Variants in MMP26 observed in about 807,000 individuals in gnomAD.
The protein encoded by MMP26 is matrix metallopeptidase 26, also known as matrix metalloproteinase-26.
In MMP26, 33 loss-of-function variants were observed where a neutral mutation model predicts 31.0. The observed-to-expected ratio is 1.06, with a 90% CI of 0.81 to 1.42. MMP26 has a LOEUF of 1.42. Ranked by LOEUF, MMP26 falls within the 40% of genes most tolerant of loss-of-function variation. MMP26 has a pLI of 0.00. For synonymous variants in MMP26, 122 were observed against 114.9 expected (o/e 1.06, Z -0.40); for missense variants, 347 against 316.1 (o/e 1.10, Z -0.74).
intron 2 of MMP26, among the ~76,000 whole-genome samples, chr11:4,902,244 A>G (rs1474623734): frequency 6.6e-6 from 1 of 152,162 alleles, no homozygotes; most frequent in Non-Finnish European, 1.5e-5. Context: ...GGGACCATCA[A>G]CATTTCATCT....
At chr11:4,825,107 C>T (rs1305037756) in intron 2 of MMP26, among the ~76,000 whole-genome samples, 1 of 152,080 alleles carries the variant, frequency 6.6e-6, no homozygotes, top group Non-Finnish European at 1.5e-5. Flanking sequence ...GGAAAGGTAT[C>T]AGTTGTGAGG....
At chr11:4,967,260 C>T (rs896664198) in intron 2 of MMP26, among the ~76,000 whole-genome samples, 1 of 152,022 alleles carries the variant, frequency 6.6e-6, no homozygotes, top group African/African-American at 2.4e-5. Flanking sequence ...CAAAATTACT[C>T]TTTATATTCA....
intron 2 of MMP26, among the ~76,000 whole-genome samples, chr11:4,886,383 A>G (rs540623684): frequency 5.5e-4 from 83 of 152,218 alleles, no homozygotes; most frequent in Non-Finnish European, 1.0e-3. Context: ...AACCCAGAGA[A>G]GAAGAGGAAG....
chr11:4,978,477 AT>A (rs1392419135), intron 2 of MMP26, among the ~76,000 whole-genome samples: 7 of 152,076 alleles, frequency 4.6e-5, no homozygotes, highest in Non-Finnish European at 1.0e-4. Context: ...TTGGTACAAT[AT>A]TTTTACCTCT....
At chr11:4,735,582 T>C (rs1270866683) in intron 1 of MMP26, among the ~76,000 whole-genome samples, 1 of 152,224 alleles carries the variant, frequency 6.6e-6, no homozygotes, top group Admixed American at 6.5e-5. Context: ...TCCTAACATA[T>C]TACATAGTAA....
chr11:4,934,897 G>A (rs919945312), intron 2 of MMP26, among the ~76,000 whole-genome samples: 10 of 151,168 alleles, frequency 6.6e-5, no homozygotes, highest in African/African-American at 1.9e-4. Flanking sequence ...GGTATGCGGC[G>A]TTATTTCTGA....
chr11:4,907,656 C>T, intron 2 of MMP26: 1 of 1,614,042 alleles, frequency 6.2e-7, no homozygotes, highest in South Asian at 1.1e-5. Flanking sequence ...TCACCTAATG[C>T]CTGCTTTGCT....
intron 2 of MMP26, among the ~76,000 whole-genome samples, chr11:4,857,596 CA>C (rs1564795009): frequency 6.6e-6 from 1 of 151,924 alleles, no homozygotes; most frequent in Non-Finnish European, 1.5e-5. Flanking sequence ...GCCTACCAAC[CA>C]AAAAAAGTCC....
At position 4,890,084 on chromosome 11, in the gene MMP26, T is replaced by A. The variant is rs534474822; in HGVS notation, c.-144-97984T>A. The stretch of plus-strand genomic sequence containing the variant: ...AAATGGGAGTACTAACAGCATGAGT[T>A]AGTTGTTTCTTTTAATGAGTTTAGT... On this transcript the variant is annotated intron_variant, in intron 2 of 7. Transcript: ENST00000380390. 3 of 152,550 alleles carry A rather than the reference T, an allele frequency of 2.0e-5. No individual in the cohort carries two copies. In the East Asian group the frequency reaches 5.8e-4, roughly 29 times the overall value. 9.4% of individuals were successfully genotyped at this position (152,550 alleles called of 1,614,324 possible). A position where few individuals can be genotyped will look rare whatever the true frequency, so the allele number is the denominator to read the frequency against.
At chr11:4,742,585 G>A (rs904742969) in intron 1 of MMP26, among the ~76,000 whole-genome samples, 1 of 152,150 alleles carries the variant, frequency 6.6e-6, no homozygotes, top group African/African-American at 2.4e-5. Context: ...GAGTAAAGCA[G>A]ATGGCCTTCC....
intron 1 of MMP26, among the ~76,000 whole-genome samples, chr11:4,739,106 A>G (rs1003944182): frequency 2.6e-5 from 4 of 152,202 alleles, no homozygotes; most frequent in African/African-American, 9.7e-5. Context: ...AGCCAACTGT[A>G]TTAAGCTTCA....
At chr11:4,756,493 A>T (rs530685043) in intron 1 of MMP26, among the ~76,000 whole-genome samples, 9 of 152,052 alleles carry the variant, frequency 5.9e-5, no homozygotes, top group South Asian at 2.1e-4. Context: ...TTTTTTTTTT[A>T]AATTACAAGC....
chr11:4,724,064 T>C, intron 1 of MMP26: 3 of 654,570 alleles, frequency 4.6e-6, no homozygotes, highest in Non-Finnish European at 8.3e-6. Context: ...GGGAAAAGCT[T>C]GAGGAGCTGA....
intron 1 of MMP26, among the ~76,000 whole-genome samples, chr11:4,705,698 A>G (rs1292091228): frequency 1.3e-5 from 2 of 152,174 alleles, no homozygotes; most frequent in Non-Finnish European, 2.9e-5. Flanking sequence ...TTTTTTAAAA[A>G]GCTATTATTG....
intron 2 of MMP26, among the ~76,000 whole-genome samples, chr11:4,773,011 G>A (rs1017411781): frequency 2.0e-5 from 3 of 152,050 alleles, no homozygotes; most frequent in Non-Finnish European, 2.9e-5. Context: ...ATACTTCCAC[G>A]ACAAAAATGA....
chr11:4,819,596 T>TTTTTTA (rs1849467113), intron 2 of MMP26, among the ~76,000 whole-genome samples: 1 of 76,086 alleles, frequency 1.3e-5, no homozygotes, highest in African/African-American at 4.1e-5. Context: ...TTTTTTTTTT[T>TTTTTTA]GAGACAGTGT....
chr11:4,715,493 T>C (rs1361607334), intron 1 of MMP26, among the ~76,000 whole-genome samples: 3 of 152,134 alleles, frequency 2.0e-5, no homozygotes, highest in Non-Finnish European at 4.4e-5. Flanking sequence ...AAATTTTTTG[T>C]CTTATTCAAA....
intron 2 of MMP26, chr11:4,944,625 T>A (rs955139303): frequency 6.6e-6 from 1 of 152,130 alleles, no homozygotes; most frequent in Admixed American, 6.6e-5. Context: ...CTGACGTGGT[T>A]GATAAAAATG....
chr11:4,891,432 G>A (rs981665800), intron 2 of MMP26, among the ~76,000 whole-genome samples: 1 of 152,114 alleles, frequency 6.6e-6, no homozygotes, highest in Non-Finnish European at 1.5e-5. Flanking sequence ...CAAGCCATGA[G>A]GGATCTGTCC....
Sources: gnomAD v4.1 joint callset for allele counts (sites outside exome capture counted in the v4.1 genomes callset) on GRCh38, gnomAD v4.1.1 for gene constraint, MANE v1.5 for transcripts, NCBI Gene and HGNC (gene_info 2026-07-23, HGNC 2026-07-21) for gene names.